The following TOX2 variants were observed in gnomAD, a reference collection of about 807,000 sequenced individuals.
TOX2 encodes the protein TOX high mobility group box family member 2.
In TOX2, 15 loss-of-function variants were observed where a neutral mutation model predicts 47.4. The ratio of observed to expected loss-of-function variants is 0.32; its 90% confidence interval spans 0.21 to 0.49. The LOEUF (loss-of-function observed/expected upper bound fraction) is 0.49. TOX2 is among the 20% of genes least tolerant of loss of function. TOX2 has a pLI of 0.99. For synonymous variants in TOX2, 290 were observed against 296.6 expected (o/e 0.98, Z 0.23); for missense variants, 622 against 673.1 (o/e 0.92, Z 0.84).
intron 1 of TOX2, among the ~76,000 whole-genome samples, chr20:43,933,063 T>C (rs2069276445): frequency 6.6e-6 from 1 of 152,198 alleles, no homozygotes; most frequent in Non-Finnish European, 1.5e-5. Context: ...GTAAGTTCAC[T>C]AGAGTTTAGA....
At chr20:44,038,984 G>C in intron 3 of TOX2, 3 of 1,196,086 alleles carry the variant, frequency 2.5e-6, no homozygotes, top group Non-Finnish European at 3.2e-6. Context: ...TGCAGATGTG[G>C]CTCGGGAGCG....
chr20:44,021,802 ATT>A (rs34597914), intron 3 of TOX2, among the ~76,000 whole-genome samples: 6 of 145,102 alleles, frequency 4.1e-5, no homozygotes, highest in African/African-American at 7.6e-5. Context: ...CTAATTTTTG[ATT>A]TTTTTTTTTT....
chr20:44,050,452 A>G (rs2071489605), intron 3 of TOX2, among the ~76,000 whole-genome samples: 1 of 152,238 alleles, frequency 6.6e-6, no homozygotes, highest in Non-Finnish European at 1.5e-5. Flanking sequence ...AAGGGCAAAT[A>G]AATAACCACA....
chr20:44,068,899 G>T lies in TOX2; in HGVS notation c.*213G>T, dbSNP rs1397199751. 2 of 724,604 alleles carry T rather than the reference G, an allele frequency of 2.8e-6. No individual in the cohort carries two copies. Among genetic ancestry groups the T allele is most frequent in the Non-Finnish European group, 5.0e-6 (2 of 398,662 alleles). 44.9% of individuals were successfully genotyped at this position (724,604 alleles called of 1,614,324 possible). ...CCACCACCAGCCCAAAGAACCTGCAGGAACCTTCCGCCCGCTGACCTGCTT... is the reference window on the plus strand; with the variant it reads ...CCACCACCAGCCCAAAGAACCTGCATGAACCTTCCGCCCGCTGACCTGCTT... On this transcript the variant is annotated 3_prime_UTR_variant, in exon 9 of 9. Coordinates refer to ENST00000341197, the MANE Select transcript of TOX2 (RefSeq NM_001098797.2).
intron 2 of TOX2, among the ~76,000 whole-genome samples, chr20:43,979,230 A>G (rs549921541): frequency 3.9e-5 from 6 of 152,212 alleles, no homozygotes; most frequent in Non-Finnish European, 8.8e-5. Flanking sequence ...AAATTTGGAA[A>G]TCTTCAGCCC....
At chr20:44,007,006 A>C (rs2070696576) in intron 3 of TOX2, among the ~76,000 whole-genome samples, 1 of 152,034 alleles carries the variant, frequency 6.6e-6, no homozygotes, top group Admixed American at 6.6e-5. Flanking sequence ...GAGAAATCTA[A>C]TATCAGCACA....
chr20:44,009,870 G>T (rs1248904791), intron 3 of TOX2, among the ~76,000 whole-genome samples: 1 of 152,202 alleles, frequency 6.6e-6, no homozygotes, highest in African/African-American at 2.4e-5. Flanking sequence ...TGGGGCCACT[G>T]TGTTGCCGCC....
chr20:43,927,626 T>TTCCTCC (rs2069188806), intron 1 of TOX2, among the ~76,000 whole-genome samples: 37 of 6,068 alleles, frequency 6.1e-3, no homozygotes, highest in African/African-American at 0.016. Context: ...CCTTCCTTCC[T>TTCCTCC]CCTTCCTTCC....
chr20:43,920,753 G>A (rs758832926), intron 1 of TOX2, among the ~76,000 whole-genome samples: 6 of 152,142 alleles, frequency 3.9e-5, no homozygotes, highest in Non-Finnish European at 5.9e-5. Flanking sequence ...AGGCAAACCG[G>A]TGACCATCAG....
At chr20:44,022,817 A>G (rs891755492) in intron 3 of TOX2, among the ~76,000 whole-genome samples, 1 of 152,004 alleles carries the variant, frequency 6.6e-6, no homozygotes, top group Non-Finnish European at 1.5e-5. Flanking sequence ...TAGCTTAGTG[A>G]CCCCTGAGTG....
At chr20:44,061,538 T>TGGATCACGAGGTCAGGAGATCGAGACCA (rs1242769637) in intron 5 of TOX2, among the ~76,000 whole-genome samples, 1 of 148,842 alleles carries the variant, frequency 6.7e-6, no homozygotes, top group African/African-American at 2.5e-5. Context: ...ATTGAAAGCA[T>TGGATCACGAGGTCAGGAGATCGAGACCA]TCCCCTTGAG....
intron 1 of TOX2, among the ~76,000 whole-genome samples, chr20:43,946,371 G>A (rs752706276): frequency 3.3e-5 from 5 of 152,148 alleles, no homozygotes; most frequent in African/African-American, 7.2e-5. Flanking sequence ...GGGTCTGGCT[G>A]ATTCAGACTG....
chr20:43,948,558 G>A (rs1437720554), intron 1 of TOX2, among the ~76,000 whole-genome samples: 1 of 152,256 alleles, frequency 6.6e-6, no homozygotes, highest in Non-Finnish European at 1.5e-5. Context: ...AGGGAGGTGA[G>A]GTTTCCAGTG....
At chr20:43,967,508 C>CT (rs2069878509) in intron 1 of TOX2, among the ~76,000 whole-genome samples, 3 of 152,222 alleles carry the variant, frequency 2.0e-5, no homozygotes, top group Non-Finnish European at 4.4e-5. Flanking sequence ...ATCCACGCAT[C>CT]CCCAACACCC....
At chr20:43,923,924 A>G (rs1569000005) in intron 1 of TOX2, among the ~76,000 whole-genome samples, 2 of 152,174 alleles carry the variant, frequency 1.3e-5, no homozygotes. Flanking sequence ...CTGTGGCGCT[A>G]AGGTGGCTCT....
intron 1 of TOX2, chr20:43,945,813 G>T (rs1393000342): frequency 6.6e-7 from 1 of 1,513,566 alleles, no homozygotes; most frequent in Non-Finnish European, 9.0e-7. Flanking sequence ...GGGATGGGGG[G>T]TGGGGGTGCT....
At chr20:43,996,222 G>A (rs750226550) in intron 2 of TOX2, among the ~76,000 whole-genome samples, 4 of 152,150 alleles carry the variant, frequency 2.6e-5, no homozygotes, top group Non-Finnish European at 4.4e-5. Context: ...GTGTGAGATG[G>A]TATCTCATTA....
intron 1 of TOX2, among the ~76,000 whole-genome samples, chr20:43,931,279 C>T (rs183694986): frequency 9.0e-4 from 137 of 152,306 alleles, no homozygotes; most frequent in African/African-American, 3.0e-3. Flanking sequence ...GCTGCGACTT[C>T]AGGCACAGGC....
At chr20:44,021,384 G>A (rs916696439) in intron 3 of TOX2, among the ~76,000 whole-genome samples, 4 of 152,230 alleles carry the variant, frequency 2.6e-5, no homozygotes, top group African/African-American at 4.8e-5. Flanking sequence ...TTATGGGGCC[G>A]TAAGCCGAGA....
Sources: allele counts gnomAD v4.1 joint callset (sites outside exome capture counted in the v4.1 genomes callset), GRCh38; gene constraint gnomAD v4.1.1; transcripts MANE v1.5; gene names NCBI Gene and HGNC (gene_info 2026-07-23, HGNC 2026-07-21).